USP25: variants seen among roughly 807,000 people sequenced by gnomAD.
USP25 encodes ubiquitin specific peptidase 25, also known as ubiquitin carboxyl-terminal hydrolase 25.
A neutral mutation model predicts 158.5 loss-of-function variants in USP25; 85 were observed. That is an observed-to-expected ratio of 0.54 (90% CI 0.45 to 0.64). USP25 has a LOEUF of 0.64. USP25 is among the 30% of genes least tolerant of loss of function. The pLI is 0.00. For synonymous variants in USP25, 464 were observed against 460.4 expected, an observed-to-expected ratio of 1.01 and a Z score of -0.10; for missense variants, 1,242 against 1,327.3, an observed-to-expected ratio of 0.94 and a Z score of 1.00.
intron 19 of USP25, among the ~76,000 whole-genome samples, chr21:15,848,214 T>A (rs982184688): frequency 2.6e-5 from 4 of 152,180 alleles, no homozygotes; most frequent in Admixed American, 2.6e-4. Flanking sequence ...AATTGATATT[T>A]TTGCTTCTAC....
intron 20 of USP25, among the ~76,000 whole-genome samples, chr21:15,860,975 TAGAGAG>T (rs1555862138): frequency 2.8e-5 from 4 of 140,662 alleles, no homozygotes; most frequent in African/African-American, 7.8e-5. Flanking sequence ...TATATATATA[TAGAGAG>T]AGAGAGAGAG....
chr21:15,771,168 A>G (rs188651918), intron 3 of USP25, among the ~76,000 whole-genome samples: 360 of 152,356 alleles, frequency 2.4e-3, no homozygotes, highest in African/African-American at 8.2e-3. Flanking sequence ...GAGGAAAGAC[A>G]GTACACAGTA....
intron 6 of USP25, among the ~76,000 whole-genome samples, chr21:15,803,259 A>C (rs1483397715): frequency 6.6e-6 from 1 of 151,852 alleles, no homozygotes; most frequent in Non-Finnish European, 1.5e-5. Context: ...TTTGTGAGCT[A>C]AGCATTACCC....
At chr21:15,772,571 G>C (rs934523225) in intron 3 of USP25, among the ~76,000 whole-genome samples, 1 of 152,150 alleles carries the variant, frequency 6.6e-6, no homozygotes, top group Admixed American at 6.6e-5. Context: ...GTTTTACAAA[G>C]GCTAATTTTC....
chr21:15,830,021 A>G (rs2037720813), intron 14 of USP25, among the ~76,000 whole-genome samples: 1 of 152,302 alleles, frequency 6.6e-6, no homozygotes, highest in Middle Eastern at 3.4e-3. Flanking sequence ...TGTGGACAAT[A>G]TGACTGTGAA....
intron 4 of USP25, among the ~76,000 whole-genome samples, chr21:15,781,740 C>T (rs573419752): frequency 4.6e-5 from 7 of 152,184 alleles, no homozygotes; most frequent in Middle Eastern, 3.4e-3. Flanking sequence ...AGAAGGTAAG[C>T]GGAGAATCAT....
intron 1 of USP25, among the ~76,000 whole-genome samples, chr21:15,730,642 A>G (rs571078289): frequency 6.6e-6 from 1 of 152,288 alleles, no homozygotes; most frequent in East Asian, 1.9e-4. Flanking sequence ...TGCGGGCTTC[A>G]ATCCACTTCC....
intron 1 of USP25, among the ~76,000 whole-genome samples, chr21:15,758,325 G>A (rs975708623): frequency 5.9e-5 from 9 of 152,120 alleles, no homozygotes; most frequent in African/African-American, 9.7e-5. Context: ...ATCTCATCTT[G>A]AATTGTAGTT....
chr21:15,840,850 A>G (rs1285310928), intron 17 of USP25, among the ~76,000 whole-genome samples: 3 of 152,198 alleles, frequency 2.0e-5, no homozygotes, highest in African/African-American at 4.8e-5. Flanking sequence ...ATTATCTGCT[A>G]TGGTGAAGAG....
intron 1 of USP25, among the ~76,000 whole-genome samples, chr21:15,756,412 C>T (rs540894192): frequency 4.6e-5 from 7 of 152,090 alleles, no homozygotes; most frequent in South Asian, 2.1e-4. Flanking sequence ...GCATTGTTTT[C>T]GTAACCTCAA....
At chr21:15,846,158 ATT>A (rs397973617) in intron 18 of USP25, among the ~76,000 whole-genome samples, 15 of 23,950 alleles carry the variant, frequency 6.3e-4, no homozygotes, top group Admixed American at 8.6e-4. Flanking sequence ...ATATATATAT[ATT>A]TTTTTTTTTT....
At chr21:15,819,065 A>G (rs1393604219) in intron 10 of USP25, among the ~76,000 whole-genome samples, 1 of 152,236 alleles carries the variant, frequency 6.6e-6, no homozygotes, top group Non-Finnish European at 1.5e-5. Context: ...TTTATCTCAG[A>G]ATTTTAAAAT....
At chr21:15,819,681 T>C (rs1456533648) in intron 10 of USP25, among the ~76,000 whole-genome samples, 1 of 152,174 alleles carries the variant, frequency 6.6e-6, no homozygotes, top group African/African-American at 2.4e-5. Context: ...CTGAGGTCTT[T>C]ATACTGAATA....
In USP25 at chr21:15,877,531, A is replaced by G. The variant is rs377061960; in HGVS notation, c.3010-265A>G. 1.0e-4 allele frequency: 25 copies of G among 244,388 alleles called. No homozygotes were observed. The South Asian group carries it at 2.7e-3, about 27-fold the overall frequency. 15.1% of individuals were successfully genotyped at this position (244,388 alleles called of 1,614,324 possible). On this transcript the variant is annotated intron_variant, in intron 24 of 25. Transcript: ENST00000400183. Reference sequence around the variant, plus strand: ...AGAAAAAATGGCCCCTGTGTTGATGATCGGCATAAGCCAAACATGACTGAA... The same window carrying G: ...AGAAAAAATGGCCCCTGTGTTGATGGTCGGCATAAGCCAAACATGACTGAA...
At chr21:15,763,345 AAAATT>A (rs759657691) in intron 2 of USP25, among the ~76,000 whole-genome samples, 1 of 152,192 alleles carries the variant, frequency 6.6e-6, no homozygotes, top group Non-Finnish European at 1.5e-5. Context: ...GGAAAAGTAG[AAAATT>A]AATAGAAGTC....
At chr21:15,867,396 C>G (rs2039703417) in intron 22 of USP25, among the ~76,000 whole-genome samples, 1 of 151,876 alleles carries the variant, frequency 6.6e-6, no homozygotes, top group Admixed American at 6.6e-5. Context: ...TTGATGAAAA[C>G]CTTAGCTAGT....
At chr21:15,856,786 T>A (rs2039171656) in intron 20 of USP25, among the ~76,000 whole-genome samples, 1 of 150,236 alleles carries the variant, frequency 6.7e-6, no homozygotes, top group South Asian at 2.1e-4. Flanking sequence ...TATACTCTAT[T>A]TGCTTCTTTT....
chr21:15,783,793 TAA>T lies in USP25; in HGVS notation c.392+5783_392+5784del, dbSNP rs34055394. 3.5e-3 allele frequency among the ~76,000 whole-genome samples: 422 copies of T among 122,130 alleles called. 4 individuals are homozygous for T. Among genetic ancestry groups the T allele is most frequent in the African/African-American group, 0.011 (366 of 34,754 alleles). The allele number at this position is 122,130 out of a possible 152,430, so 80.1% of individuals were successfully genotyped here. A position where few individuals can be genotyped will look rare whatever the true frequency, so the allele number is the denominator to read the frequency against. ...TAACATGGTGAAACCCCGTCTGTACTAAAAAAAAAAAAAAAAAATACAAAAAA... is the reference window on the plus strand; with the variant it reads ...TAACATGGTGAAACCCCGTCTGTACTAAAAAAAAAAAAAAAATACAAAAAA... On this transcript the variant is annotated intron_variant, in intron 4 of 25. Transcript: ENST00000400183.
At chr21:15,738,436 G>A (rs722887) in intron 1 of USP25, among the ~76,000 whole-genome samples, 35,544 of 151,968 alleles carry the variant, frequency 0.23, 5,657 homozygotes, top group African/African-American at 0.46. Flanking sequence ...TTATTAGGTC[G>A]TGTTTAATAT....
Sources: gnomAD v4.1 joint callset for allele counts (sites outside exome capture counted in the v4.1 genomes callset) on GRCh38, gnomAD v4.1.1 for gene constraint, MANE v1.5 for transcripts, NCBI Gene and HGNC (gene_info 2026-07-23, HGNC 2026-07-21) for gene names.